Variants in MYO3B observed in about 807,000 individuals in gnomAD.
MYO3B encodes myosin IIIB.
MYO3B carries 156 observed loss-of-function variants against 174.6 expected under a neutral mutation model. That is an observed-to-expected ratio of 0.89 (90% CI 0.78 to 1.02). The LOEUF (loss-of-function observed/expected upper bound fraction) is 1.02. MYO3B is among the 50% of genes least tolerant of loss of function. The pLI, the probability that MYO3B is intolerant of heterozygous loss-of-function variation, is 0.00. For missense variants in MYO3B, 1,632 were observed against 1,639.4 expected (o/e 1.00, Z 0.08); for synonymous variants, 563 against 569.1 (o/e 0.99, Z 0.15).
chr2:170,488,993 C>A (rs1296109994), intron 25 of MYO3B, among the ~76,000 whole-genome samples: 1 of 152,166 alleles, frequency 6.6e-6, no homozygotes, highest in East Asian at 1.9e-4. Context: ...TTCCAGATAC[C>A]TGTAAACACT....
chr2:170,557,937 C>A (rs188007088), intron 32 of MYO3B, among the ~76,000 whole-genome samples: 1 of 152,270 alleles, frequency 6.6e-6, no homozygotes, highest in Non-Finnish European at 1.5e-5. Context: ...CCCCAGCCCC[C>A]ATCCTTGGTT....
At chr2:170,620,385 C>T (rs75947963) in intron 32 of MYO3B, among the ~76,000 whole-genome samples, 3,215 of 152,264 alleles carry the variant, frequency 0.021, 146 homozygotes, top group East Asian at 0.13. Context: ...AATGTCAGCT[C>T]CTCTTCCATT....
intron 32 of MYO3B, among the ~76,000 whole-genome samples, chr2:170,561,756 G>T (rs1691725857): frequency 2.6e-5 from 4 of 152,038 alleles, no homozygotes. Flanking sequence ...TCTCTTTGGG[G>T]GATATGTCTC....
chr2:170,337,556 T>C lies in MYO3B; in HGVS notation c.815+2106T>C, dbSNP rs1490478538. Among the ~76,000 whole-genome samples, 3 of 152,170 alleles carry C rather than the reference T, an allele frequency of 2.0e-5. No homozygotes were observed. In the East Asian group the frequency reaches 5.8e-4, roughly 29 times the overall value. On this transcript the variant is annotated intron_variant, in intron 8 of 34. Coordinates refer to ENST00000408978, the MANE Select transcript of MYO3B (RefSeq NM_138995.5). ...TGGATTTGAGAATAAAGGTATATAA[T>C]TGATGACAGAGATTGGACTGTACAC...
At chr2:170,558,638 C>G (rs1453794373) in intron 32 of MYO3B, among the ~76,000 whole-genome samples, 1 of 152,096 alleles carries the variant, frequency 6.6e-6, no homozygotes, top group African/African-American at 2.4e-5. Context: ...TGTATAGTAT[C>G]CCATTTTAGG....
At chr2:170,214,935 A>G in intron 5 of MYO3B, 107 bp downstream of exon 5, 5 of 810,164 alleles carry the variant, frequency 6.2e-6, no homozygotes, top group Non-Finnish European at 1.0e-5. Flanking sequence ...CCATAGGCTG[A>G]GGGACTTTTC....
At chr2:170,597,663 T>C (rs1307545948) in intron 32 of MYO3B, among the ~76,000 whole-genome samples, 1 of 152,178 alleles carries the variant, frequency 6.6e-6, no homozygotes, top group African/African-American at 2.4e-5. Flanking sequence ...GAAAAGATGG[T>C]CTCAGTTTCT....
chr2:170,499,512 T>C (rs1175610579), intron 26 of MYO3B, 134 bp from the exon 27 acceptor site: 2 of 806,060 alleles, frequency 2.5e-6, no homozygotes, highest in Non-Finnish European at 3.8e-6. Flanking sequence ...AAGTCAGTAA[T>C]GTGAGCATAA....
intron 22 of MYO3B, among the ~76,000 whole-genome samples, chr2:170,439,413 T>C (rs1306044904): frequency 6.6e-6 from 1 of 152,046 alleles, no homozygotes; most frequent in Non-Finnish European, 1.5e-5. Context: ...TATTTGGCTT[T>C]TTTACTATTG....
chr2:170,625,621 C>T (rs915531152), intron 32 of MYO3B, among the ~76,000 whole-genome samples: 57 of 152,220 alleles, frequency 3.7e-4, no homozygotes, highest in Non-Finnish European at 5.9e-4. Flanking sequence ...GCTCTTGCCT[C>T]GCTAGTTCTT....
At chr2:170,503,855 C>G (rs1156676866) in intron 28 of MYO3B, among the ~76,000 whole-genome samples, 2 of 152,142 alleles carry the variant, frequency 1.3e-5, no homozygotes, top group African/African-American at 4.8e-5. Context: ...TGCCCTTTAG[C>G]CAACACCGTG....
At chr2:170,328,252 A>G (rs1300716402) in intron 7 of MYO3B, among the ~76,000 whole-genome samples, 1 of 152,106 alleles carries the variant, frequency 6.6e-6, no homozygotes, top group African/African-American at 2.4e-5. Flanking sequence ...TGCTGAGGTT[A>G]TTACCCAGGG....
chr2:170,633,662 G>A (rs1223860443), intron 32 of MYO3B, among the ~76,000 whole-genome samples: 1 of 152,116 alleles, frequency 6.6e-6, no homozygotes, highest in East Asian at 1.9e-4. Context: ...ATTCAGTTAG[G>A]AAAAAAGGAA....
At chr2:170,189,796 A>C (rs1282811734) in intron 1 of MYO3B, among the ~76,000 whole-genome samples, 2 of 152,138 alleles carry the variant, frequency 1.3e-5, no homozygotes, top group Non-Finnish European at 2.9e-5. Context: ...TCTGCCTGAA[A>C]GGTCAGATAT....
Position 170,530,969 on chromosome 2 carries a change from C to T in MYO3B, c.3575+11429C>T, listed in dbSNP as rs1390929823. Among the ~76,000 whole-genome samples the T allele has an allele frequency of 6.6e-5, 10 of 152,278 alleles. No homozygotes were observed. The East Asian group carries it at 1.5e-3, about 23-fold the overall frequency. Reference sequence around the variant, plus strand: ...TAGTGAATTTCTCTGCTCTACTGTTCCCTTAGTCCTCTCCCCCTCCCTCTC... The same window carrying T: ...TAGTGAATTTCTCTGCTCTACTGTTTCCTTAGTCCTCTCCCCCTCCCTCTC... On this transcript the variant is annotated intron_variant, in intron 30 of 34. Coordinates refer to ENST00000408978, the MANE Select transcript of MYO3B (RefSeq NM_138995.5).
intron 25 of MYO3B, among the ~76,000 whole-genome samples, chr2:170,497,605 G>A (rs1448658024): frequency 2.5e-5 from 3 of 118,854 alleles, no homozygotes; most frequent in East Asian, 2.6e-4. Context: ...GCAACAGAGC[G>A]AGACTCAGTC....
intron 16 of MYO3B, among the ~76,000 whole-genome samples, chr2:170,397,040 G>A (rs987008547): frequency 1.3e-5 from 2 of 152,108 alleles, no homozygotes; most frequent in African/African-American, 2.4e-5. Flanking sequence ...TCAAAGTAAC[G>A]AGGTGCTGTC....
chr2:170,336,430 C>A (rs868852609), intron 8 of MYO3B, among the ~76,000 whole-genome samples: 25 of 152,254 alleles, frequency 1.6e-4, no homozygotes, highest in African/African-American at 5.8e-4. Context: ...GTCTTTTGAT[C>A]ATCTTCCTTA....
intron 8 of MYO3B, among the ~76,000 whole-genome samples, chr2:170,352,260 G>A (rs1015075192): frequency 3.9e-5 from 6 of 152,126 alleles, no homozygotes; most frequent in Non-Finnish European, 7.4e-5. Flanking sequence ...GCCTAGGCAC[G>A]CATAGGTTTT....
Sources: gnomAD v4.1 joint callset for allele counts (sites outside exome capture counted in the v4.1 genomes callset) on GRCh38, gnomAD v4.1.1 for gene constraint, MANE v1.5 for transcripts, NCBI Gene and HGNC (gene_info 2026-07-23, HGNC 2026-07-21) for gene names.